FAR1: variants seen among roughly 807,000 people sequenced by gnomAD.
The protein encoded by FAR1 is fatty acyl-CoA reductase 1.
FAR1 carries 22 observed loss-of-function variants against 61.1 expected under a neutral mutation model. The ratio of observed to expected loss-of-function variants is 0.36; its 90% confidence interval spans 0.26 to 0.51. FAR1 has a LOEUF of 0.51. Among genes scored for constraint, FAR1 ranks in the 20% least tolerant of loss-of-function variants. The pLI, the probability that FAR1 is intolerant of heterozygous loss-of-function variation, is 0.95. For synonymous variants in FAR1, 206 were observed against 209.7 expected (o/e 0.98, Z 0.15); for missense variants, 359 against 626.9 (o/e 0.57, Z 4.56).
chr11:13,670,756 C>T (rs1209948874), intron 1 of FAR1, among the ~76,000 whole-genome samples: 2 of 148,528 alleles, frequency 1.3e-5, no homozygotes, highest in Non-Finnish European at 3.0e-5. Flanking sequence ...GGTATGTATG[C>T]ATCACTGCTA....
intron 10 of FAR1, among the ~76,000 whole-genome samples, chr11:13,726,877 G>T (rs1435586860): frequency 6.6e-6 from 1 of 151,614 alleles, no homozygotes; most frequent in Non-Finnish European, 1.5e-5. Context: ...TCCCTTCCTA[G>T]AATTGGCTAT....
intron 1 of FAR1, among the ~76,000 whole-genome samples, chr11:13,688,169 G>C (rs1261516404): frequency 6.6e-6 from 1 of 151,290 alleles, no homozygotes; most frequent in East Asian, 1.9e-4. Context: ...TGAGTCTCTT[G>C]TTGGCAGCAA....
intron 1 of FAR1, among the ~76,000 whole-genome samples, chr11:13,690,650 C>G: frequency 6.6e-6 from 1 of 152,148 alleles, no homozygotes; most frequent in South Asian, 2.1e-4. Context: ...TATAATACAT[C>G]TCAATATATG....
chr11:13,717,422 C>G (rs2134196259), intron 9 of FAR1, among the ~76,000 whole-genome samples: 1 of 152,270 alleles, frequency 6.6e-6, no homozygotes, highest in East Asian at 1.9e-4. Flanking sequence ...GGGAGGCACC[C>G]AGCAAACACT....
chr11:13,686,143 T>G (rs1041991501), intron 1 of FAR1, among the ~76,000 whole-genome samples: 1 of 152,250 alleles, frequency 6.6e-6, no homozygotes, highest in Non-Finnish European at 1.5e-5. Context: ...ATAGACGTGC[T>G]GAGGGACCTC....
chr11:13,705,176 T>A (rs1344126013), intron 3 of FAR1, among the ~76,000 whole-genome samples: 2 of 152,154 alleles, frequency 1.3e-5, no homozygotes, highest in Non-Finnish European at 2.9e-5. Flanking sequence ...AAAGCCTGTC[T>A]TACCGAAGAT....
At chr11:13,668,998 C>T (rs1467175817) in intron 1 of FAR1, among the ~76,000 whole-genome samples, 192 bp downstream of exon 1, 2 of 152,188 alleles carry the variant, frequency 1.3e-5, no homozygotes, top group Admixed American at 1.3e-4. Context: ...GTCTCTGCCC[C>T]TCTTTGCCCC....
chr11:13,710,904 G>A (rs1219714240), intron 5 of FAR1, 34 bp downstream of exon 5: 13 of 1,574,506 alleles, frequency 8.3e-6, no homozygotes, highest in South Asian at 4.6e-5. Context: ...AATAACTGGA[G>A]TTGAGAATTT....
At chr11:13,670,227 C>CA (rs1478451514) in intron 1 of FAR1, 1 of 152,080 alleles carries the variant, frequency 6.6e-6, no homozygotes, top group Non-Finnish European at 1.5e-5. Flanking sequence ...CCACCCCACC[C>CA]AGGCCCTGTT....
Position 13,729,297 on chromosome 11 carries a change from A to G in FAR1, c.*523A>G, listed in dbSNP as rs1848697429. 6.6e-6 allele frequency: 1 copy of G among 152,206 alleles called. No individual in the cohort carries two copies. Among genetic ancestry groups the G allele is most frequent in the Admixed American group, 6.6e-5 (1 of 15,226 alleles). The allele number at this position is 152,206 out of a possible 1,614,324, so 9.4% of individuals were successfully genotyped here. A position where few individuals can be genotyped will look rare whatever the true frequency, so the allele number is the denominator to read the frequency against. ...CAGCGTATTTTCACATCATTCTGTA[A>G]GTTAAATGATATCAAACATGAAAGA... On this transcript the variant is annotated 3_prime_UTR_variant, in exon 12 of 12. Transcript: ENST00000354817.
At position 13,721,656 on chromosome 11, in the gene FAR1, T is replaced by G. The variant is rs1369035277; in HGVS notation, c.1128-74T>G. The G allele has an allele frequency of 1.2e-5, 16 of 1,283,106 alleles. No homozygotes were observed. The highest frequency in any genetic ancestry group is 1.7e-5 in the Non-Finnish European group (16 of 915,690). 79.5% of individuals were successfully genotyped at this position (1,283,106 alleles called of 1,614,324 possible). A position where few individuals can be genotyped will look rare whatever the true frequency, so the allele number is the denominator to read the frequency against. Reference sequence around the variant, plus strand: ...AATGTCTATATTATAGGGGGAAACTTGCACCCTGGGTGGTGATAGGATTTT... The same window carrying G: ...AATGTCTATATTATAGGGGGAAACTGGCACCCTGGGTGGTGATAGGATTTT... On this transcript the variant is annotated intron_variant, in intron 9 of 11. Coordinates refer to ENST00000354817, the MANE Select transcript of FAR1 (RefSeq NM_032228.6). This position sits in a 1 kb window ranked among gnomAD's most constrained non-coding sequence, Gnocchi z 4.2.
intron 2 of FAR1, among the ~76,000 whole-genome samples, chr11:13,697,316 G>T (rs1038722204): frequency 1.3e-5 from 2 of 152,042 alleles, no homozygotes; most frequent in Non-Finnish European, 2.9e-5. Context: ...ACAAAAATTA[G>T]CCGGGCGTGG....
chr11:13,721,946 G>A lies in FAR1; in HGVS notation c.1257+87G>A. 1.8e-6 allele frequency: 2 copies of A among 1,088,534 alleles called. No homozygotes were observed. Among genetic ancestry groups the A allele is most frequent in the South Asian group, 3.4e-5 (2 of 59,538 alleles). The allele number at this position is 1,088,534 out of a possible 1,614,324, so 67.4% of individuals were successfully genotyped here. On this transcript the variant is annotated intron_variant, in intron 10 of 11. Coordinates refer to ENST00000354817, the MANE Select transcript of FAR1 (RefSeq NM_032228.6). This position sits in a 1 kb window ranked among gnomAD's most constrained non-coding sequence, Gnocchi z 4.2. ...AGCAACCTGAGAAATATTTTCCACA[G>A]CTATTATGCAACAAGTAAGCCATTA...
intron 1 of FAR1, among the ~76,000 whole-genome samples, chr11:13,678,130 G>C (rs1848087507): frequency 2.6e-5 from 4 of 152,348 alleles, no homozygotes; most frequent in Admixed American, 2.6e-4. Flanking sequence ...AGCATTGCCA[G>C]TTGCAGCAAC....
At chr11:13,699,084 T>C (rs1848340949) in intron 2 of FAR1, among the ~76,000 whole-genome samples, 1 of 152,212 alleles carries the variant, frequency 6.6e-6, no homozygotes, top group Non-Finnish European at 1.5e-5. Context: ...TACTTTGTAA[T>C]TTCAGGGCCT....
chr11:13,706,846 ATTTG>A (rs1473401994), intron 3 of FAR1, among the ~76,000 whole-genome samples: 1 of 152,118 alleles, frequency 6.6e-6, no homozygotes, highest in African/African-American at 2.4e-5. Flanking sequence ...TTTGCAAGCT[ATTTG>A]TTTAATTTTA....
chr11:13,716,610 C>T (rs1483578409), intron 9 of FAR1, among the ~76,000 whole-genome samples: 1 of 152,168 alleles, frequency 6.6e-6, no homozygotes, highest in Non-Finnish European at 1.5e-5. Context: ...TCTTATATAG[C>T]AGCTGATGGC....
chr11:13,700,528 GTA>G, intron 3 of FAR1, 36 bp downstream of exon 3: 1 of 1,235,526 alleles, frequency 8.1e-7, no homozygotes, highest in Non-Finnish European at 1.1e-6. Context: ...TTGAACTTCA[GTA>G]TAGTTATTAA....
At position 13,710,745 on chromosome 11, in the gene FAR1, A is replaced by C. The variant is rs1451611339; in HGVS notation, c.598A>C (p.Arg200=). The change falls in exon 5 of 12, where the codon AGA becomes CGA. Residue 200 remains arginine (R), a synonymous_variant. Transcript: ENST00000354817. ...TATCACGCCAAAATTGATAGGAGACAGACCTAATACATACATATACACAAA... is the reference window on the plus strand; with the variant it reads ...TATCACGCCAAAATTGATAGGAGACCGACCTAATACATACATATACACAAA... ...NDITPKLIGD[R]PNTYIYTKAL... 5 of 1,608,028 alleles carry C rather than the reference A, an allele frequency of 3.1e-6. No individual in the cohort carries two copies. The highest frequency in any genetic ancestry group is 4.2e-6 in the Non-Finnish European group (5 of 1,178,504).
Sources: gnomAD v4.1 joint callset for allele counts (sites outside exome capture counted in the v4.1 genomes callset) on GRCh38, gnomAD v4.1.1 for gene constraint, Gnocchi (gnomAD v3.1) non-coding constraint, MANE v1.5 for transcripts, NCBI Gene and HGNC (gene_info 2026-07-23, HGNC 2026-07-21) for gene names.